RAPGEFL1: variants seen among roughly 807,000 people sequenced by gnomAD.
The protein encoded by RAPGEFL1 is rap guanine nucleotide exchange factor-like 1.
RAPGEFL1 carries 31 observed loss-of-function variants against 64.4 expected under a neutral mutation model. The ratio of observed to expected loss-of-function variants is 0.48; its 90% CI spans 0.36 to 0.65. The LOEUF is 0.65. Ranked by LOEUF, RAPGEFL1 falls within the 30% of genes least tolerant of loss-of-function variation. The pLI, the probability that RAPGEFL1 is intolerant of heterozygous loss-of-function variation, is 0.00. For synonymous variants in RAPGEFL1, 331 were observed against 274.1 expected, an observed-to-expected ratio of 1.21 and a Z score of -2.05; for missense variants, 682 against 677.4, an observed-to-expected ratio of 1.01 and a Z score of -0.08.
intron 4 of RAPGEFL1, among the ~76,000 whole-genome samples, chr17:40,185,519 CAAA>C (rs1012933421): frequency 1.1e-4 from 4 of 36,246 alleles, no homozygotes; most frequent in Non-Finnish European, 2.2e-4. Context: ...GTCTCCACTA[CAAA>C]AAAAAAAAAA....
At chr17:40,181,240 T>C in intron 1 of RAPGEFL1, 1 of 455,904 alleles carries the variant, frequency 2.2e-6, no homozygotes, top group Non-Finnish European at 4.4e-6. Context: ...GATGCTAACC[T>C]CTGTGTTTGG....
Position 40,191,506 on chromosome 17 carries a change from C to T in RAPGEFL1, c.1514+12C>T, listed in dbSNP as rs554909355. 1 of 1,591,676 alleles carries T rather than the reference C, an allele frequency of 6.3e-7. No individual in the cohort carries two copies. Among genetic ancestry groups the T allele is most frequent in the South Asian group, 1.1e-5 (1 of 88,510 alleles). ...AAGATCGCGGCCCTGTGAGTGCGGCCGTCGGCGGGATGGGGGGCCGGAGGC... is the reference window on the plus strand; with the variant it reads ...AAGATCGCGGCCCTGTGAGTGCGGCTGTCGGCGGGATGGGGGGCCGGAGGC... On this transcript the variant is annotated intron_variant, in intron 9 of 14. Coordinates refer to ENST00000620260, the MANE Select transcript of RAPGEFL1 (RefSeq NM_016339.6). The surrounding 1 kb of genome is among the most constrained non-coding windows in gnomAD (Gnocchi z 5.1).
rs749504760 is a variant in RAPGEFL1 at position 40,193,628 on chromosome 17, TG to T, written c.1865-33del. 3.7e-6 allele frequency: 6 copies of T among 1,613,948 alleles called. No individual in the cohort carries two copies. The East Asian group carries it at 1.1e-4, about 30-fold the overall frequency. On this transcript the variant is annotated intron_variant, in intron 14 of 14. Transcript: ENST00000620260. The stretch of plus-strand genomic sequence containing the variant: ...GTGTGTGTAGAGGAAGAAGGGAAGC[TG>T]GGAACCTGACTGCCTCTCCCTCTTT...
Position 40,194,287 on chromosome 17 carries a change from G to C in RAPGEFL1, c.*499G>C, listed in dbSNP as rs1453113657. On this transcript the variant is annotated 3_prime_UTR_variant, in exon 15 of 15. Coordinates refer to ENST00000620260, the MANE Select transcript of RAPGEFL1 (RefSeq NM_016339.6). Reference sequence around the variant, plus strand: ...TGTGTGTGTGTGTGTGTGTGTGTGTGTGTCTTCTTTTAGGGAGCAGGAGTG... The same window carrying C: ...TGTGTGTGTGTGTGTGTGTGTGTGTCTGTCTTCTTTTAGGGAGCAGGAGTG... 1.4e-5 allele frequency: 2 copies of C among 138,458 alleles called. No individual in the cohort carries two copies. Among genetic ancestry groups the C allele is most frequent in the Non-Finnish European group, 2.9e-5 (2 of 69,536 alleles). The allele number at this position is 138,458 out of a possible 1,614,324, so 8.6% of individuals were successfully genotyped here. A position where few individuals can be genotyped will look rare whatever the true frequency, so the allele number is the denominator to read the frequency against.
chr17:40,183,589 G>A (rs1356238939), intron 2 of RAPGEFL1, among the ~76,000 whole-genome samples: 2 of 145,488 alleles, frequency 1.4e-5, no homozygotes, highest in Non-Finnish European at 3.0e-5. Context: ...GCCTGACCTC[G>A]GCTCACTGCA....
At chr17:40,182,059 AGT>A (rs1002248707) in intron 2 of RAPGEFL1, among the ~76,000 whole-genome samples, 2 of 151,692 alleles carry the variant, frequency 1.3e-5, no homozygotes, top group Non-Finnish European at 2.9e-5. Context: ...CTCCAGCCTG[AGT>A]GACAGAGTGA....
At chr17:40,187,864 T>C (rs1990129470) in intron 4 of RAPGEFL1, among the ~76,000 whole-genome samples, 2 of 150,796 alleles carry the variant, frequency 1.3e-5, no homozygotes, top group South Asian at 4.2e-4. Flanking sequence ...CCGCCCGCCT[T>C]GGCCTCCCAA....
At chr17:40,189,051 C>T (rs779433650) in intron 5 of RAPGEFL1, 73 bp downstream of exon 5, 34 of 1,490,554 alleles carry the variant, frequency 2.3e-5, no homozygotes, top group Admixed American at 8.4e-5. Context: ...TCTTGAGCAC[C>T]CTCAGTGGCA....
At chr17:40,192,523 C>A in intron 11 of RAPGEFL1, 83 bp from the exon 12 acceptor site, 1 of 1,216,702 alleles carries the variant, frequency 8.2e-7, no homozygotes, top group Non-Finnish European at 1.2e-6. Context: ...GTATACAAGG[C>A]AGGGGGTGAG....
At chr17:40,187,835 G>T (rs1242694317) in intron 4 of RAPGEFL1, among the ~76,000 whole-genome samples, 1 of 150,340 alleles carries the variant, frequency 6.7e-6, no homozygotes, top group African/African-American at 2.4e-5. Context: ...GGATGGTCTA[G>T]ATCTCCTGAC....
At position 40,191,768 on chromosome 17, in the gene RAPGEFL1, T is replaced by C. The variant is rs1303452783; in HGVS notation, c.1605+96T>C. On this transcript the variant is annotated intron_variant, in intron 10 of 14. Coordinates refer to ENST00000620260, the MANE Select transcript of RAPGEFL1 (RefSeq NM_016339.6). The surrounding 1 kb of genome is among the most constrained non-coding windows in gnomAD (Gnocchi z 5.1). ...GACGGCCGCCGGCCTGGAGGGAGTCTTTGCGCCAGTTGGAGGGAGGCGCCC... is the reference window on the plus strand; with the variant it reads ...GACGGCCGCCGGCCTGGAGGGAGTCCTTGCGCCAGTTGGAGGGAGGCGCCC... The C allele has an allele frequency of 7.1e-6, 9 of 1,275,432 alleles. No homozygotes were observed. Among genetic ancestry groups the C allele is most frequent in the African/African-American group, 1.5e-5 (1 of 67,324 alleles). The allele number at this position is 1,275,432 out of a possible 1,614,324, so 79.0% of individuals were successfully genotyped here.
Position 40,178,187 on chromosome 17 carries a change from C to A in RAPGEFL1, c.326C>A (p.Pro109Gln), listed in dbSNP as rs772123823. 1.1e-5 allele frequency: 6 copies of A among 534,174 alleles called. No individual in the cohort carries two copies. The highest frequency in any genetic ancestry group is 3.5e-4 in the Middle Eastern group (1 of 2,832). The allele number at this position is 534,174 out of a possible 1,614,324, so 33.1% of individuals were successfully genotyped here. The change falls in exon 1 of 15, where the codon CCG becomes CAG. Residue 109 changes from proline (P) to glutamine (Q), a missense_variant. Physicochemically the swap from Pro to Gln is moderately conservative, Grantham distance 76. Transcript: ENST00000620260. ...GPCWLQLEEV[P>Q]GPGPLGGGGP... The stretch of plus-strand genomic sequence containing the variant: ...TGCTGGCTGCAGCTGGAGGAGGTGC[C>A]GGGGCCCGGGCCTCTCGGGGGAGGG...
rs776133538 is a variant in RAPGEFL1 at position 40,178,248 on chromosome 17, C to A, written c.387C>A (p.Asp129Glu). The change falls in exon 1 of 15, where the codon GAC becomes GAA. Residue 129 changes from aspartate (D) to glutamate (E), a missense_variant. Transcript: ENST00000620260. The part of the protein sequence containing the change: ...PLRSPSSYSS[D>E]ELSPGEPLTS... ...GCTCCCCTTCCTCCTACTCATCTGACGAGCTGTCCCCAGGCGAGCCCTTGA... is the reference window on the plus strand; with the variant it reads ...GCTCCCCTTCCTCCTACTCATCTGAAGAGCTGTCCCCAGGCGAGCCCTTGA... The A allele has an allele frequency of 1.6e-6, 1 of 644,424 alleles. No homozygotes were observed. Among genetic ancestry groups the A allele is most frequent in the South Asian group, 1.6e-5 (1 of 61,662 alleles). The allele number at this position is 644,424 out of a possible 1,614,324, so 39.9% of individuals were successfully genotyped here.
At chr17:40,184,525 G>A in intron 3 of RAPGEFL1, 56 bp from the exon 4 acceptor site, 3 of 1,255,666 alleles carry the variant, frequency 2.4e-6, no homozygotes, top group Non-Finnish European at 3.4e-6. Context: ...CCCCTGCAGA[G>A]AGTAGCCCTT....
At chr17:40,182,082 CA>C (rs113162370) in intron 2 of RAPGEFL1, among the ~76,000 whole-genome samples, 10,083 of 147,044 alleles carry the variant, frequency 0.069, 737 homozygotes, top group African/African-American at 0.18. Flanking sequence ...GACTCCATCT[CA>C]AAAAAAAAAG....
chr17:40,189,905 G>C (rs1277343410), intron 6 of RAPGEFL1, among the ~76,000 whole-genome samples: 2 of 151,206 alleles, frequency 1.3e-5, no homozygotes, highest in African/African-American at 4.9e-5. Context: ...GCAGTGCCGA[G>C]ATCAAGACAC....
intron 4 of RAPGEFL1, among the ~76,000 whole-genome samples, chr17:40,188,333 C>T (rs1228904033): frequency 6.6e-6 from 1 of 152,174 alleles, no homozygotes; most frequent in African/African-American, 2.4e-5. Context: ...ACCAGCATAA[C>T]TCTCCTGGTA....
rs1200523655 is a variant in RAPGEFL1 at position 40,189,114 on chromosome 17, G to C, written c.947-94G>C. On this transcript the variant is annotated intron_variant, in intron 5 of 14. Transcript: ENST00000620260. ...TTCACAGGACCTTCTTCAGAGGCCAGCCTCTGGTGGGGAATAGAGGCACCC... is the reference window on the plus strand; with the variant it reads ...TTCACAGGACCTTCTTCAGAGGCCACCCTCTGGTGGGGAATAGAGGCACCC... 4 of 1,497,292 alleles carry C rather than the reference G, an allele frequency of 2.7e-6. No homozygotes were observed. The Admixed American group carries it at 6.8e-5, about 26-fold the overall frequency. The allele number at this position is 1,497,292 out of a possible 1,614,324, so 92.8% of individuals were successfully genotyped here.
At position 40,191,489 on chromosome 17, in the gene RAPGEFL1, G is replaced by C. The variant is rs745904471; in HGVS notation, c.1509G>C (p.Ala503=). The C allele has an allele frequency of 8.1e-6, 13 of 1,603,844 alleles. No homozygotes were observed. The highest frequency in any genetic ancestry group is 2.7e-5 in the African/African-American group (2 of 74,522). ...TGCTCAAGAAGTTCATCAAGATCGC[G>C]GCCCTGTGAGTGCGGCCGTCGGCGG... ...AQLLKKFIKI[A]ALCKQNQDLL... Residue 503 remains alanine (A), a synonymous_variant, in exon 9 of 15, where the codon GCG becomes GCC. Coordinates refer to ENST00000620260, the MANE Select transcript of RAPGEFL1 (RefSeq NM_016339.6). The surrounding 1 kb of genome is among the most constrained non-coding windows in gnomAD (Gnocchi z 5.1).
Sources: allele counts gnomAD v4.1 joint callset (sites outside exome capture counted in the v4.1 genomes callset), GRCh38; gene constraint gnomAD v4.1.1; non-coding constraint Gnocchi (gnomAD v3.1); transcripts MANE v1.5; gene names NCBI Gene and HGNC (gene_info 2026-07-23, HGNC 2026-07-21).